The following CEACAM7 variants were observed in gnomAD, a reference collection of about 807,000 sequenced individuals.
The protein encoded by CEACAM7 is cell adhesion molecule CEACAM7.
CEACAM7 carries 24 observed loss-of-function variants against 25.7 expected under a neutral mutation model. That is an observed-to-expected ratio of 0.93 (90% CI 0.68 to 1.31). The LOEUF is 1.31. Ranked by LOEUF, CEACAM7 falls within the 40% of genes most tolerant of loss-of-function variation. The probability of loss-of-function intolerance (pLI) is 0.00; values close to 1 mark genes in which losing one functional copy is unlikely to be tolerated. For missense variants in CEACAM7, 324 were observed against 330.1 expected (o/e 0.98, Z 0.14); for synonymous variants, 144 against 129.4 (o/e 1.11, Z -0.77).
At chr19:41,684,441 C>T (rs2072207478) in intron 2 of CEACAM7, among the ~76,000 whole-genome samples, 3 of 152,212 alleles carry the variant, frequency 2.0e-5, no homozygotes, top group Non-Finnish European at 1.5e-5. Context: ...CTGAACACTC[C>T]TACACCACCC....
chr19:41,688,265 C>G lies in CEACAM7; in HGVS notation c.-100G>C. On this transcript the variant is annotated 5_prime_UTR_variant, in exon 1 of 5. Coordinates refer to ENST00000401731, the MANE Select transcript of CEACAM7 (RefSeq NM_001291485.2). The stretch of plus-strand genomic sequence containing the variant: ...CTGTCAGCTCTGCTGTCCTTCCTAC[C>G]TCTGTGCTGAGCCTCCTCCCAGGGC... The G allele has an allele frequency of 6.7e-7, 1 of 1,493,916 alleles. No homozygotes were observed. Among genetic ancestry groups the G allele is most frequent in the Non-Finnish European group, 8.9e-7 (1 of 1,118,866 alleles). The allele number at this position is 1,493,916 out of a possible 1,614,324, so 92.5% of individuals were successfully genotyped here.
Position 41,688,183 on chromosome 19 carries a change from T to C in CEACAM7, c.-18A>G. ...GACCCCATGGTCTCTGCTGCCTGCT[T>C]GTCCTCTGTGGAGAAGAGCTTGGGC... On this transcript the variant is annotated 5_prime_UTR_variant, in exon 1 of 5. Coordinates refer to ENST00000401731, the MANE Select transcript of CEACAM7 (RefSeq NM_001291485.2). 5 of 1,607,872 alleles carry C rather than the reference T, an allele frequency of 3.1e-6. No homozygotes were observed. The highest frequency in any genetic ancestry group is 4.2e-6 in the Non-Finnish European group (5 of 1,176,660).
intron 2 of CEACAM7, 82 bp downstream of exon 2, chr19:41,686,777 G>T: frequency 7.0e-7 from 1 of 1,434,490 alleles, no homozygotes; most frequent in Admixed American, 2.3e-5. Flanking sequence ...TGGGGACACA[G>T]GCACAACCCA....
chr19:41,683,884 G>A lies in CEACAM7; in HGVS notation c.607C>T (p.Leu203=). 1 of 1,614,228 alleles carries A rather than the reference G, an allele frequency of 6.2e-7. No individual in the cohort carries two copies. The highest frequency in any genetic ancestry group is 8.5e-7 in the Non-Finnish European group (1 of 1,180,038). ...ATGTCATTCTTTGTGGCGCTGAGTAGAACGAGGGTCCTGTTGTCAGTGGAG... is the reference window on the plus strand; with the variant it reads ...ATGTCATTCTTTGTGGCGCTGAGTAAAACGAGGGTCCTGTTGTCAGTGGAG... ...LLSTDNRTLV[L]LSATKNDIGP... is the part of the protein sequence containing the mutation. The change falls in exon 3 of 5, where the codon CTA becomes TTA. Residue 203 remains leucine (L), a synonymous_variant. Transcript: ENST00000401731.
rs1555811316 is a variant in CEACAM7 at position 41,687,183 on chromosome 19, G to A, written c.103C>T (p.Gln35Ter). The change falls in exon 2 of 5, where the codon CAG (glutamine) becomes TAG (stop). Residue 35 changes from glutamine (Q) to a stop codon, truncating the protein, a stop_gained. Coordinates refer to ENST00000401731, the MANE Select transcript of CEACAM7 (RefSeq NM_001291485.2). LOFTEE classifies it high-confidence loss of function. ...AACGGCACGACATCAATATTGGTCT[G>A]GGCACTGTTTGGCAGGTTCCAGAAG... is the stretch of plus-strand genomic sequence containing the variant. ...LTFWNLPNSAQTNIDVVPFNV... is the reference protein window; with the variant it reads ...LTFWNLPNSA The A allele has an allele frequency of 6.2e-7, 1 of 1,611,866 alleles. No individual in the cohort carries two copies. Among genetic ancestry groups the A allele is most frequent in the Non-Finnish European group, 8.5e-7 (1 of 1,178,596 alleles).
intron 2 of CEACAM7, among the ~76,000 whole-genome samples, chr19:41,684,693 GT>G (rs1429725482): frequency 6.6e-6 from 1 of 152,184 alleles, no homozygotes; most frequent in African/African-American, 2.4e-5. Context: ...TAGAGAAAGG[GT>G]GAGTGAGACA....
At position 41,674,677 on chromosome 19, in the gene CEACAM7, C is replaced by T; in HGVS notation, c.*99G>A. 1 of 285,842 alleles carries T rather than the reference C, an allele frequency of 3.5e-6. No individual in the cohort carries two copies. The highest frequency in any genetic ancestry group is 2.3e-5 in the African/African-American group (1 of 44,334). 17.7% of individuals were successfully genotyped at this position (285,842 alleles called of 1,614,324 possible). A position where few individuals can be genotyped will look rare whatever the true frequency, so the allele number is the denominator to read the frequency against. On this transcript the variant is annotated 3_prime_UTR_variant, in exon 5 of 5. Transcript: ENST00000401731. ...ATAGGTCTTCAGGAAGAGAGCAGGT[C>T]TTATACTTAGTGATGCCACAGGAGA...
rs2072231603 is a variant in CEACAM7, at chr19:41,686,923, A to G, written c.363T>C (p.Tyr121=). The change falls in exon 2 of 5, where the codon TAT becomes TAC. Residue 121 remains tyrosine (Y), a synonymous_variant. Coordinates refer to ENST00000401731, the MANE Select transcript of CEACAM7 (RefSeq NM_001291485.2). ...QNVTHNDAGI[Y]TLHVIKENLV... Reference sequence around the variant, plus strand: ...GATTTTCTTTTATAACGTGTAGGGTATAGATTCCTGCGTCATTGTGGGTGA... The same window carrying G: ...GATTTTCTTTTATAACGTGTAGGGTGTAGATTCCTGCGTCATTGTGGGTGA... The G allele has an allele frequency of 2.5e-6, 4 of 1,588,994 alleles. No homozygotes were observed. Among genetic ancestry groups the G allele is most frequent in the African/African-American group, 1.4e-5 (1 of 73,706 alleles).
Position 41,683,819 on chromosome 19 carries a change from G to A in CEACAM7, c.672C>T (p.Ala224=), listed in dbSNP as rs782087281. 1 of 1,614,168 alleles carries A rather than the reference G, an allele frequency of 6.2e-7. No homozygotes were observed. Among genetic ancestry groups the A allele is most frequent in the South Asian group, 1.1e-5 (1 of 91,082 alleles). ...YECEIQNPVG[A]SRSDPVTLNV... ...TCAGGGTGACTGGGTCACTGCGGCT[G>A]GCACCCACTGGGTTCTGTATTTCAC... The change falls in exon 3 of 5, where the codon GCC becomes GCT. Residue 224 remains alanine (A), a synonymous_variant. Coordinates refer to ENST00000401731, the MANE Select transcript of CEACAM7 (RefSeq NM_001291485.2).
rs1555810971 is a variant in CEACAM7 at position 41,684,035 on chromosome 19, G to A, written c.456C>T (p.Ser152=). The change falls in exon 3 of 5, where the codon AGC becomes AGT. Residue 152 remains serine (S), a synonymous_variant. Transcript: ENST00000401731. ...TGTTCTCCACCGGATTGAAGTTGTT[G>A]CTGGTGATGGAGGGCTTGGGTGGCT... ...FSEPPKPSIT[S]NNFNPVENKD... The A allele has an allele frequency of 4.2e-5, 68 of 1,614,158 alleles. No individual in the cohort carries two copies. The highest frequency in any genetic ancestry group is 5.6e-5 in the Non-Finnish European group (66 of 1,180,016).
chr19:41,678,186 A>G (rs2072135524), intron 3 of CEACAM7, among the ~76,000 whole-genome samples: 1 of 151,960 alleles, frequency 6.6e-6, no homozygotes, highest in Non-Finnish European at 1.5e-5. Flanking sequence ...TCTTGACTGC[A>G]TCTCTCTGAA....
intron 1 of CEACAM7, among the ~76,000 whole-genome samples, chr19:41,687,888 C>A (rs1555811402): frequency 1.3e-5 from 2 of 152,202 alleles, no homozygotes; most frequent in African/African-American, 4.8e-5. Context: ...GATGATTAAC[C>A]AGGAAAAGAG....
chr19:41,675,537 T>C (rs2122712224), intron 4 of CEACAM7, among the ~76,000 whole-genome samples: 1 of 152,336 alleles, frequency 6.6e-6, no homozygotes, highest in East Asian at 1.9e-4. Context: ...TGGAAATTCT[T>C]AGCCCAATGG....
chr19:41,686,714 C>G (rs2072228659), intron 2 of CEACAM7, 145 bp downstream of exon 2: 1 of 823,592 alleles, frequency 1.2e-6, no homozygotes, highest in Non-Finnish European at 1.9e-6. Context: ...TTTGTCTCCC[C>G]CATGTGTGTC....
intron 3 of CEACAM7, among the ~76,000 whole-genome samples, chr19:41,682,894 T>C (rs1418352131): frequency 1.3e-5 from 2 of 152,198 alleles, no homozygotes; most frequent in African/African-American, 4.8e-5. Flanking sequence ...TTCCACTACC[T>C]GGGGCTTTGG....
At chr19:41,680,576 T>C (rs1404441625) in intron 3 of CEACAM7, among the ~76,000 whole-genome samples, 1 of 152,120 alleles carries the variant, frequency 6.6e-6, no homozygotes, top group Non-Finnish European at 1.5e-5. Flanking sequence ...ACCAATGGAA[T>C]AGAATGGAGA....
rs1400475599 is a variant in CEACAM7, at chr19:41,684,515, C to A, written c.428-452G>T. On this transcript the variant is annotated intron_variant, in intron 2 of 4. Coordinates refer to ENST00000401731, the MANE Select transcript of CEACAM7 (RefSeq NM_001291485.2). ...ATATCCCAGAGATGGGTGATGATAACAATGGGTGTTTGAGCAGACATAGCA... is the reference window on the plus strand; with the variant it reads ...ATATCCCAGAGATGGGTGATGATAAAAATGGGTGTTTGAGCAGACATAGCA... 2.6e-5 allele frequency among the ~76,000 whole-genome samples: 4 copies of A among 152,172 alleles called. No homozygotes were observed. In the East Asian group the frequency reaches 5.8e-4, roughly 22 times the overall value.
chr19:41,682,041 G>A (rs907113616), intron 3 of CEACAM7, among the ~76,000 whole-genome samples: 3 of 152,146 alleles, frequency 2.0e-5, no homozygotes, highest in Non-Finnish European at 4.4e-5. Context: ...GACATTCTGG[G>A]CTGAAGTGGT....
chr19:41,683,098 A>T (rs1555810830), intron 3 of CEACAM7, among the ~76,000 whole-genome samples: 1 of 152,078 alleles, frequency 6.6e-6, no homozygotes, highest in Non-Finnish European at 1.5e-5. Flanking sequence ...CACCAGAGAG[A>T]CCCCATCTCA....
Sources: gnomAD v4.1 joint callset for allele counts (sites outside exome capture counted in the v4.1 genomes callset) on GRCh38, gnomAD v4.1.1 for gene constraint, MANE v1.5 for transcripts, NCBI Gene and HGNC (gene_info 2026-07-23, HGNC 2026-07-21) for gene names.